The following KIF6 variants were observed in gnomAD, a reference collection of about 807,000 sequenced individuals.
The protein encoded by KIF6 is kinesin-like protein KIF6.
KIF6 carries 106 observed loss-of-function variants against 112.7 expected under a neutral mutation model. The ratio of observed to expected loss-of-function variants is 0.94; its 90% CI spans 0.80 to 1.11. KIF6 has a LOEUF of 1.11. Among genes scored for constraint, KIF6 ranks in the 50% least tolerant of loss-of-function variants. The pLI is 0.00. For synonymous variants in KIF6, 339 were observed against 339.9 expected (o/e 1.00, Z 0.03); for missense variants, 929 against 964.0 (o/e 0.96, Z 0.48).
rs1554206214 is a variant in KIF6 at position 39,390,048 on chromosome 6, A to AG, written c.1811-4377_1811-4376insC. Among the ~76,000 whole-genome samples the AG allele has an allele frequency of 7.5e-3, 1,036 of 137,304 alleles. 43 individuals carry two copies. Among genetic ancestry groups the AG allele is most frequent in the African/African-American group, 0.021 (688 of 32,410 alleles). 90.1% of individuals were successfully genotyped at this position (137,304 alleles called of 152,430 possible). ...TCTGTCTCCAAAAAAAAAAAAAAAA[A>AG]AAAAGGAAATAATTACAAATCTGGA... On this transcript the variant is annotated intron_variant, in intron 15 of 22. Coordinates refer to ENST00000287152, the MANE Select transcript of KIF6 (RefSeq NM_145027.6).
At chr6:39,594,971 AT>A (rs994150126) in intron 7 of KIF6, among the ~76,000 whole-genome samples, 110 of 151,626 alleles carry the variant, frequency 7.3e-4, no homozygotes, top group African/African-American at 2.5e-3. Flanking sequence ...TTAGAGATGA[AT>A]TTTTTTTTCT....
chr6:39,343,003 T>G lies in KIF6; in HGVS notation c.2428+706A>C. The G allele has an allele frequency of 1.0e-6, 1 of 985,342 alleles. No individual in the cohort carries two copies. Among genetic ancestry groups the G allele is most frequent in the East Asian group, 1.1e-4 (1 of 8,810 alleles). 61.0% of individuals were successfully genotyped at this position (985,342 alleles called of 1,614,324 possible). On this transcript the variant is annotated intron_variant, in intron 22 of 22. Coordinates refer to ENST00000287152, the MANE Select transcript of KIF6 (RefSeq NM_145027.6). The surrounding 1 kb of genome is among the most constrained non-coding windows in gnomAD (Gnocchi z 4.1). ...AGCCTGCCTAGTAGCCTTTGGGTTA[T>G]GGGGAGGAGGCTAAGACAAAATGCA...
At chr6:39,710,765 T>C (rs1056198925) in intron 3 of KIF6, among the ~76,000 whole-genome samples, 5 of 151,916 alleles carry the variant, frequency 3.3e-5, no homozygotes, top group Non-Finnish European at 5.9e-5. Context: ...AAATAAAGAA[T>C]AGATATGTTA....
intron 4 of KIF6, among the ~76,000 whole-genome samples, chr6:39,635,718 A>G (rs931716857): frequency 5.9e-5 from 9 of 152,114 alleles, no homozygotes; most frequent in Non-Finnish European, 1.2e-4. Flanking sequence ...AATTCTGCCA[A>G]TAGACAAAAA....
At chr6:39,462,874 G>A (rs1489722971) in intron 13 of KIF6, among the ~76,000 whole-genome samples, 1 of 151,888 alleles carries the variant, frequency 6.6e-6, no homozygotes, top group Non-Finnish European at 1.5e-5. Flanking sequence ...ATTAGATATA[G>A]AGCTGGAGGT....
chr6:39,440,752 C>T (rs1309032289), intron 13 of KIF6, among the ~76,000 whole-genome samples: 1 of 152,050 alleles, frequency 6.6e-6, no homozygotes, highest in African/African-American at 2.4e-5. Context: ...GATAATCTAT[C>T]GAGCTGTAGC....
At chr6:39,361,496 T>G (rs1014518863) in intron 17 of KIF6, among the ~76,000 whole-genome samples, 4 of 149,406 alleles carry the variant, frequency 2.7e-5, no homozygotes, top group Admixed American at 6.7e-5. Flanking sequence ...GAGATGGAGT[T>G]TGCAGTGAGC....
chr6:39,609,426 T>C (rs886583868), intron 6 of KIF6, among the ~76,000 whole-genome samples: 2 of 152,106 alleles, frequency 1.3e-5, no homozygotes, highest in Admixed American at 1.3e-4. Context: ...CACCAGGTAA[T>C]ACCTATATAA....
intron 14 of KIF6, among the ~76,000 whole-genome samples, chr6:39,428,680 CT>C (rs897424258): frequency 6.6e-6 from 1 of 152,034 alleles, no homozygotes; most frequent in Non-Finnish European, 1.5e-5. Context: ...TAAAGTATAC[CT>C]TTTTTGCTAA....
intron 13 of KIF6, among the ~76,000 whole-genome samples, chr6:39,457,655 T>A (rs1389707975): frequency 6.6e-6 from 1 of 151,132 alleles, no homozygotes; most frequent in Non-Finnish European, 1.5e-5. Context: ...GAGAGAAGAA[T>A]CAAATAGACA....
chr6:39,641,000 C>G (rs906238785), intron 3 of KIF6, among the ~76,000 whole-genome samples: 10 of 152,020 alleles, frequency 6.6e-5, no homozygotes, highest in Non-Finnish European at 1.5e-4. Context: ...CACTTTTCTT[C>G]GTGTGTCTTT....
At chr6:39,614,307 T>C (rs1001370403) in intron 5 of KIF6, among the ~76,000 whole-genome samples, 2 of 152,248 alleles carry the variant, frequency 1.3e-5, no homozygotes, top group Admixed American at 1.3e-4. Context: ...ATCTCAGGTA[T>C]CTTCACTCGT....
chr6:39,699,787 C>T (rs1001182356), intron 3 of KIF6, among the ~76,000 whole-genome samples: 21 of 152,052 alleles, frequency 1.4e-4, no homozygotes, highest in African/African-American at 4.3e-4. Flanking sequence ...TATGTTGATG[C>T]TATAATTTTA....
At chr6:39,393,278 C>G (rs939026941) in intron 15 of KIF6, among the ~76,000 whole-genome samples, 1 of 152,194 alleles carries the variant, frequency 6.6e-6, no homozygotes, top group African/African-American at 2.4e-5. Flanking sequence ...AGGGTGAGTG[C>G]GTGGACTCTG....
intron 3 of KIF6, among the ~76,000 whole-genome samples, chr6:39,698,872 T>TGG: frequency 6.6e-6 from 1 of 152,220 alleles, no homozygotes; most frequent in South Asian, 2.1e-4. Context: ...GAATTTTCAT[T>TGG]AATTAAAATC....
At chr6:39,395,594 G>C (rs993766877) in intron 15 of KIF6, among the ~76,000 whole-genome samples, 1 of 152,222 alleles carries the variant, frequency 6.6e-6, no homozygotes, top group Non-Finnish European at 1.5e-5. Flanking sequence ...GGTTCCGGTT[G>C]CCAGAAATGT....
chr6:39,512,091 G>A (rs180946268), intron 13 of KIF6, among the ~76,000 whole-genome samples: 1 of 152,144 alleles, frequency 6.6e-6, no homozygotes, highest in East Asian at 1.9e-4. Context: ...CTTAAAGTAT[G>A]ATTAAAAATT....
At chr6:39,520,506 T>G (rs17457567) in intron 13 of KIF6, among the ~76,000 whole-genome samples, 3,279 of 152,252 alleles carry the variant, frequency 0.022, 56 homozygotes, top group South Asian at 0.04. Context: ...CTCACTAAAA[T>G]GCAGTAGAAT....
At chr6:39,337,173 T>TTCTTTCCTTCCTTCTC (rs1763020235) in intron 22 of KIF6, among the ~76,000 whole-genome samples, 1 of 19,576 alleles carries the variant, frequency 5.1e-5, no homozygotes, top group East Asian at 2.0e-3. Flanking sequence ...CTTTCCTTCC[T>TTCTTTCCTTCCTTCTC]TCTTTCTTTC....
Sources: gnomAD v4.1 joint callset for allele counts (sites outside exome capture counted in the v4.1 genomes callset) on GRCh38, gnomAD v4.1.1 for gene constraint, Gnocchi (gnomAD v3.1) non-coding constraint, MANE v1.5 for transcripts, NCBI Gene and HGNC (gene_info 2026-07-23, HGNC 2026-07-21) for gene names.